Variants in PDE9A observed in about 807,000 individuals in gnomAD.
PDE9A encodes the protein high affinity cGMP-specific 3',5'-cyclic phosphodiesterase 9A.
Under a neutral mutation model 87.4 loss-of-function variants are expected in PDE9A, and 60 were observed. The observed-to-expected ratio is 0.69, with a 90% CI of 0.56 to 0.85. PDE9A has a LOEUF of 0.85. PDE9A is among the 40% of genes least tolerant of loss of function. PDE9A has a pLI of 0.00. For synonymous variants in PDE9A, 272 were observed against 279.4 expected (o/e 0.97, Z 0.27); for missense variants, 665 against 779.0 (o/e 0.85, Z 1.74).
chr21:42,688,493 C>T (rs1018626512), intron 3 of PDE9A, among the ~76,000 whole-genome samples: 9 of 152,170 alleles, frequency 5.9e-5, no homozygotes, highest in African/African-American at 1.7e-4. Flanking sequence ...TGAAAGCCTC[C>T]GTGAATGTCT....
intron 1 of PDE9A, among the ~76,000 whole-genome samples, chr21:42,677,791 T>C (rs964035893): frequency 6.6e-6 from 1 of 152,132 alleles, no homozygotes; most frequent in African/African-American, 2.4e-5. Context: ...TACAGGCACA[T>C]GCCCCCACGC....
intron 8 of PDE9A, among the ~76,000 whole-genome samples, chr21:42,748,077 AAC>A (rs1307678917): frequency 2.0e-5 from 3 of 152,222 alleles, no homozygotes; most frequent in African/African-American, 7.2e-5. Context: ...GCGGGATTCG[AAC>A]AGTCAAACTG....
intron 17 of PDE9A, 75 bp downstream of exon 17, chr21:42,769,230 T>G (rs890031001): frequency 7.5e-7 from 1 of 1,338,316 alleles, no homozygotes; most frequent in Non-Finnish European, 1.0e-6. Context: ...CACACACATA[T>G]ACACATATGC....
At chr21:42,749,316 G>A (rs1433924463) in intron 8 of PDE9A, among the ~76,000 whole-genome samples, 3 of 152,138 alleles carry the variant, frequency 2.0e-5, no homozygotes, top group African/African-American at 7.2e-5. Context: ...TGTCACACAA[G>A]CCAGGCGTGA....
At chr21:42,758,685 A>AC in intron 10 of PDE9A, 1 of 335,166 alleles carries the variant, frequency 3.0e-6, no homozygotes, top group Non-Finnish European at 5.6e-6. Flanking sequence ...GCACTCTCTC[A>AC]CCCGGTCGCT....
At chr21:42,727,312 T>A (rs1028959282) in intron 4 of PDE9A, among the ~76,000 whole-genome samples, 12 of 151,974 alleles carry the variant, frequency 7.9e-5, no homozygotes, top group Admixed American at 6.6e-5. Flanking sequence ...TTTGAGTGAC[T>A]GTAAATGGTA....
intron 19 of PDE9A, among the ~76,000 whole-genome samples, 173 bp downstream of exon 19, chr21:42,772,693 G>T (rs969560156): frequency 1.4e-4 from 21 of 151,964 alleles, no homozygotes; most frequent in Non-Finnish European, 2.6e-4. Flanking sequence ...GAGTGCGATG[G>T]CACGATCTCA....
At chr21:42,721,400 G>A (rs1602263064) in intron 4 of PDE9A, among the ~76,000 whole-genome samples, 1 of 152,212 alleles carries the variant, frequency 6.6e-6, no homozygotes, top group South Asian at 2.1e-4. Flanking sequence ...TCATATCTGA[G>A]TGGCTGAAAC....
At chr21:42,676,496 T>C (rs1459158818) in intron 1 of PDE9A, among the ~76,000 whole-genome samples, 1 of 152,218 alleles carries the variant, frequency 6.6e-6, no homozygotes, top group African/African-American at 2.4e-5. Context: ...AATTCCGTCA[T>C]TTCAAGAATA....
Position 42,733,630 on chromosome 21 carries a change from C to A in PDE9A, c.568+204C>A, listed in dbSNP as rs2052072981. 3 of 584,456 alleles carry A rather than the reference C, an allele frequency of 5.1e-6. No homozygotes were observed. In the South Asian group the frequency reaches 6.4e-5, roughly 12 times the overall value. 36.2% of individuals were successfully genotyped at this position (584,456 alleles called of 1,614,324 possible). A position where few individuals can be genotyped will look rare whatever the true frequency, so the allele number is the denominator to read the frequency against. ...CATTTTATTTCTATTTTAAAAGAAG[C>A]ACAGCTCATGGTATAAAGCATTCTT... On this transcript the variant is annotated intron_variant, in intron 7 of 19. Transcript: ENST00000291539.
Position 42,705,668 on chromosome 21 carries a change from G to A in PDE9A, c.262+6657G>A, listed in dbSNP as rs965877569. Among the ~76,000 whole-genome samples, 10 of 152,202 alleles carry A rather than the reference G, an allele frequency of 6.6e-5. No individual in the cohort carries two copies. The highest frequency in any genetic ancestry group is 1.3e-4 in the Non-Finnish European group (9 of 68,032). ...GCCCCCCACGGCCCAAGTCCTATAG[G>A]AGAGCCAGGGGCCATCACGATTTTC... On this transcript the variant is annotated intron_variant, in intron 4 of 19. Transcript: ENST00000291539. This position sits in a 1 kb window ranked among gnomAD's most constrained non-coding sequence, Gnocchi z 4.3.
At chr21:42,754,095 C>T (rs767970010) in intron 10 of PDE9A, 31 bp downstream of exon 10, 1 of 1,436,196 alleles carries the variant, frequency 7.0e-7, no homozygotes. Context: ...CACCACGTCC[C>T]AGGGGGAGGC....
intron 8 of PDE9A, among the ~76,000 whole-genome samples, chr21:42,745,627 C>T (rs1005950077): frequency 3.3e-5 from 5 of 152,202 alleles, no homozygotes; most frequent in African/African-American, 7.2e-5. Context: ...CGCCCTTGGC[C>T]GTGGGCTCTA....
At chr21:42,774,881 C>CAA (rs371603677) in intron 19 of PDE9A, among the ~76,000 whole-genome samples, 37,994 of 111,896 alleles carry the variant, frequency 0.34, 7,310 homozygotes, top group Admixed American at 0.46. Context: ...GACTCCATCT[C>CAA]AAAAAAAAAA....
chr21:42,706,770 C>A (rs573633519), intron 4 of PDE9A, among the ~76,000 whole-genome samples: 13 of 146,980 alleles, frequency 8.8e-5, no homozygotes, highest in South Asian at 2.3e-4. Flanking sequence ...TGTGAGCAGT[C>A]CCCCCTCCAT....
chr21:42,733,125 A>G (rs1214780485), intron 6 of PDE9A, among the ~76,000 whole-genome samples: 20 of 152,116 alleles, frequency 1.3e-4, no homozygotes, highest in Admixed American at 1.3e-3. Flanking sequence ...AATATGCCCA[A>G]CCAGCCCAGA....
chr21:42,687,684 G>A (rs1468824325), intron 2 of PDE9A, among the ~76,000 whole-genome samples: 1 of 152,082 alleles, frequency 6.6e-6, no homozygotes, highest in Non-Finnish European at 1.5e-5. Context: ...CCATTTTAAA[G>A]TATTTCAGCA....
At chr21:42,734,077 A>G (rs2041004232) in intron 7 of PDE9A, 1 of 151,938 alleles carries the variant, frequency 6.6e-6, no homozygotes, top group African/African-American at 2.4e-5. Context: ...AGGCCTCCCC[A>G]AGAGCCAAGC....
intron 1 of PDE9A, among the ~76,000 whole-genome samples, chr21:42,663,209 A>G (rs572092292): frequency 5.0e-4 from 75 of 149,080 alleles, no homozygotes; most frequent in Middle Eastern, 3.7e-3. Context: ...CACCACACAC[A>G]TGCACGCACC....
Sources: gnomAD v4.1 joint callset for allele counts (sites outside exome capture counted in the v4.1 genomes callset) on GRCh38, gnomAD v4.1.1 for gene constraint, Gnocchi (gnomAD v3.1) non-coding constraint, MANE v1.5 for transcripts, NCBI Gene and HGNC (gene_info 2026-07-23, HGNC 2026-07-21) for gene names.